The following EPHA6 variants were observed in gnomAD, a reference collection of about 807,000 sequenced individuals.
EPHA6 encodes EPH receptor A6.
Under a neutral mutation model 112.0 loss-of-function variants are expected in EPHA6, and 50 were observed. The ratio of observed to expected loss-of-function variants is 0.45; its 90% CI spans 0.36 to 0.56. The LOEUF is 0.56. Among genes scored for constraint, EPHA6 ranks in the 20% least tolerant of loss-of-function variants. The pLI is 0.00. For missense variants in EPHA6, 1,280 were observed against 1,417.4 expected (o/e 0.90, Z 1.56); for synonymous variants, 529 against 490.7 (o/e 1.08, Z -1.03).
chr3:97,452,571 C>T (rs1384903302), intron 7 of EPHA6, among the ~76,000 whole-genome samples: 1 of 151,390 alleles, frequency 6.6e-6, no homozygotes, highest in Admixed American at 6.6e-5. Context: ...TTGATTGCCC[C>T]CTTCCTTCTT....
intron 2 of EPHA6, among the ~76,000 whole-genome samples, chr3:96,897,570 T>C (rs1302326919): frequency 1.3e-5 from 2 of 152,246 alleles, no homozygotes; most frequent in African/African-American, 2.4e-5. Flanking sequence ...CCTCAAAATA[T>C]GCTCTTTTGC....
chr3:97,625,913 T>C (rs2093852844), intron 13 of EPHA6, among the ~76,000 whole-genome samples: 1 of 151,638 alleles, frequency 6.6e-6, no homozygotes, highest in Non-Finnish European at 1.5e-5. Context: ...GACTGGAGTG[T>C]TGGGAATCTA....
At chr3:97,349,455 T>C (rs1313279554) in intron 5 of EPHA6, among the ~76,000 whole-genome samples, 1 of 152,078 alleles carries the variant, frequency 6.6e-6, no homozygotes, top group Admixed American at 6.6e-5. Context: ...CCCATATTTA[T>C]TGAGACAGAA....
At chr3:96,907,089 C>G (rs775529061) in intron 2 of EPHA6, among the ~76,000 whole-genome samples, 1 of 151,366 alleles carries the variant, frequency 6.6e-6, no homozygotes, top group African/African-American at 2.4e-5. Context: ...TATTATGGAA[C>G]GTTATAATGA....
At chr3:97,108,423 AG>A (rs2047629887) in intron 3 of EPHA6, among the ~76,000 whole-genome samples, 2 of 152,202 alleles carry the variant, frequency 1.3e-5, no homozygotes, top group South Asian at 4.1e-4. Flanking sequence ...AATGAGCTGC[AG>A]CAAATGGCAC....
chr3:97,522,509 GT>G (rs1007205985), intron 10 of EPHA6, among the ~76,000 whole-genome samples: 2 of 151,968 alleles, frequency 1.3e-5, no homozygotes, highest in African/African-American at 4.8e-5. Context: ...TTGTAGTTCT[GT>G]TTTTTTATAT....
At chr3:97,732,534 G>A (rs1268802835) in intron 15 of EPHA6, among the ~76,000 whole-genome samples, 1 of 151,938 alleles carries the variant, frequency 6.6e-6, no homozygotes, top group African/African-American at 2.4e-5. Flanking sequence ...CTATCCGTTT[G>A]GATGAATAAA....
chr3:97,055,208 G>A (rs1404335141), intron 3 of EPHA6, among the ~76,000 whole-genome samples: 1 of 152,100 alleles, frequency 6.6e-6, no homozygotes, highest in Non-Finnish European at 1.5e-5. Flanking sequence ...GACCCTCTGA[G>A]GATGTAGATT....
At chr3:97,436,816 A>T (rs1013821933) in intron 6 of EPHA6, among the ~76,000 whole-genome samples, 7 of 152,166 alleles carry the variant, frequency 4.6e-5, no homozygotes, top group African/African-American at 1.7e-4. Flanking sequence ...TTCATCTTCA[A>T]AGAATTTTTA....
chr3:97,132,206 A>G (rs1459066893), intron 3 of EPHA6, among the ~76,000 whole-genome samples: 1 of 152,094 alleles, frequency 6.6e-6, no homozygotes, highest in East Asian at 1.9e-4. Context: ...ATCAATGCAT[A>G]TATTTATTAA....
chr3:97,658,989 A>G (rs892738067), intron 14 of EPHA6, among the ~76,000 whole-genome samples: 3 of 151,976 alleles, frequency 2.0e-5, no homozygotes, highest in African/African-American at 7.2e-5. Flanking sequence ...GAAAATGTAC[A>G]TATTAATAAG....
At chr3:97,438,750 C>A (rs975537789) in intron 6 of EPHA6, among the ~76,000 whole-genome samples, 1 of 152,146 alleles carries the variant, frequency 6.6e-6, no homozygotes, top group South Asian at 2.1e-4. Context: ...GATAGTTACT[C>A]TTAAAAGAAA....
intron 14 of EPHA6, among the ~76,000 whole-genome samples, chr3:97,647,547 G>A (rs1047160560): frequency 2.6e-5 from 4 of 152,132 alleles, no homozygotes; most frequent in Non-Finnish European, 4.4e-5. Flanking sequence ...GTTTTTACAT[G>A]CCAATTCTAT....
At chr3:97,370,417 C>CT (rs1185634227) in intron 5 of EPHA6, among the ~76,000 whole-genome samples, 2 of 152,082 alleles carry the variant, frequency 1.3e-5, no homozygotes, top group Non-Finnish European at 2.9e-5. Flanking sequence ...TTGTGTGCTA[C>CT]TTTTTTCCCC....
chr3:97,637,493 T>C (rs990662614), intron 13 of EPHA6, among the ~76,000 whole-genome samples: 2 of 152,176 alleles, frequency 1.3e-5, no homozygotes, highest in African/African-American at 4.8e-5. Context: ...GCTGTACAGC[T>C]GGTTCAAAGC....
chr3:97,617,401 T>C (rs2093775902), intron 13 of EPHA6, among the ~76,000 whole-genome samples: 1 of 152,184 alleles, frequency 6.6e-6, no homozygotes, highest in South Asian at 2.1e-4. Flanking sequence ...AGCATCACGA[T>C]GTCAGGATCA....
rs140976484 is a variant in EPHA6, at chr3:97,552,578, A to C, written c.2386+20035A>C. Among the ~76,000 whole-genome samples the C allele has an allele frequency of 3.1e-3, 469 of 152,344 alleles. 2 individuals are homozygous for C. Among genetic ancestry groups the C allele is most frequent in the South Asian group, 0.016 (76 of 4,832 alleles). On this transcript the variant is annotated intron_variant, in intron 11 of 17. Coordinates refer to ENST00000389672, the MANE Select transcript of EPHA6 (RefSeq NM_001080448.3). ...ATAGGCAACATCTCTCTTTTAAAAA[A>C]GGACATATTATCCAGGGACATTATG... is the stretch of plus-strand genomic sequence containing the variant.
intron 10 of EPHA6, among the ~76,000 whole-genome samples, chr3:97,490,122 G>GTAGAC (rs2091802587): frequency 5.9e-5 from 9 of 151,894 alleles, no homozygotes; most frequent in Admixed American, 5.9e-4. Context: ...AAAATAATGA[G>GTAGAC]TAAATAAATG....
chr3:97,376,432 T>G (rs565829687), intron 5 of EPHA6, among the ~76,000 whole-genome samples: 1 of 152,228 alleles, frequency 6.6e-6, no homozygotes, highest in East Asian at 1.9e-4. Context: ...TATCTACAAA[T>G]CACATACGAA....
Sources: gnomAD v4.1 joint callset for allele counts (sites outside exome capture counted in the v4.1 genomes callset) on GRCh38, gnomAD v4.1.1 for gene constraint, MANE v1.5 for transcripts, NCBI Gene and HGNC (gene_info 2026-07-23, HGNC 2026-07-21) for gene names.